PTPRC: variants seen among roughly 807,000 people sequenced by gnomAD.
PTPRC encodes the protein receptor-type tyrosine-protein phosphatase C.
PTPRC carries 44 observed loss-of-function variants against 155.9 expected under a neutral mutation model. The observed-to-expected ratio is 0.28, with a 90% CI of 0.22 to 0.36. PTPRC has a LOEUF of 0.36. PTPRC is among the 10% of genes least tolerant of loss of function. The pLI, the probability that PTPRC is intolerant of heterozygous loss-of-function variation, is 1.00. For missense variants in PTPRC, 1,401 were observed against 1,564.6 expected (o/e 0.90, Z 1.76); for synonymous variants, 525 against 533.1 (o/e 0.98, Z 0.21).
chr1:198,700,832 G>A (rs907071715), intron 5 of PTPRC, among the ~76,000 whole-genome samples: 1 of 152,158 alleles, frequency 6.6e-6, no homozygotes, highest in Non-Finnish European at 1.5e-5. Context: ...AACCACCACT[G>A]AGAGTACCTA....
intron 8 of PTPRC, among the ~76,000 whole-genome samples, chr1:198,704,817 A>G (rs973831440): frequency 6.6e-6 from 1 of 152,168 alleles, no homozygotes; most frequent in African/African-American, 2.4e-5. Flanking sequence ...CCTGCAATAT[A>G]CCTTTGTAAC....
At chr1:198,641,801 A>G (rs16843559) in intron 2 of PTPRC, among the ~76,000 whole-genome samples, 5,648 of 152,104 alleles carry the variant, frequency 0.037, 186 homozygotes, top group East Asian at 0.14. Flanking sequence ...GAGGTATATG[A>G]TGAGTTTTGT....
intron 8 of PTPRC, among the ~76,000 whole-genome samples, chr1:198,706,018 T>C (rs772974414): frequency 4.6e-5 from 7 of 152,366 alleles, no homozygotes; most frequent in Admixed American, 1.3e-4. Context: ...CACTGGATTA[T>C]ACATTTCTAA....
intron 28 of PTPRC, among the ~76,000 whole-genome samples, chr1:198,750,149 A>G (rs1021725473): frequency 6.6e-6 from 1 of 151,996 alleles, no homozygotes; most frequent in Non-Finnish European, 1.5e-5. Flanking sequence ...TAAAATTAGT[A>G]TAGACACGAT....
intron 14 of PTPRC, 22 bp downstream of exon 14, chr1:198,718,324 T>A: frequency 6.5e-7 from 1 of 1,540,926 alleles, no homozygotes; most frequent in Non-Finnish European, 9.0e-7. Flanking sequence ...CTCTCTACAT[T>A]ACTATAGTAC....
At chr1:198,709,846 A>C (rs1341650958) in intron 11 of PTPRC, 22 bp downstream of exon 11, 1 of 1,607,266 alleles carries the variant, frequency 6.2e-7, no homozygotes. Flanking sequence ...ACTTGCATTT[A>C]TATGTAAAAT....
intron 3 of PTPRC, chr1:198,695,165 T>G (rs572257217): frequency 1.4e-5 from 12 of 885,514 alleles, no homozygotes; most frequent in Non-Finnish European, 1.6e-5. Context: ...GCTGGGTTTT[T>G]TATTTATCAT....
At chr1:198,743,266 T>G (rs557025084) in intron 25 of PTPRC, among the ~76,000 whole-genome samples, 5 of 151,482 alleles carry the variant, frequency 3.3e-5, no homozygotes, top group Admixed American at 6.6e-5. Context: ...AAACAATGAG[T>G]GAGTAAAGCT....
chr1:198,674,448 C>G (rs897785650), intron 2 of PTPRC, among the ~76,000 whole-genome samples: 4 of 150,710 alleles, frequency 2.7e-5, no homozygotes, highest in African/African-American at 9.7e-5. Context: ...ATAACATTGC[C>G]TTTTTAGTAA....
intron 29 of PTPRC, 93 bp downstream of exon 29, chr1:198,750,719 CT>C (rs1388918431): frequency 5.9e-5 from 86 of 1,465,950 alleles, no homozygotes; most frequent in Non-Finnish European, 7.3e-5. Context: ...ATACCCACGT[CT>C]TTTTTTATCC....
At chr1:198,702,885 A>G (rs1666531955) in intron 6 of PTPRC, among the ~76,000 whole-genome samples, 1 of 152,236 alleles carries the variant, frequency 6.6e-6, no homozygotes, top group African/African-American at 2.4e-5. Flanking sequence ...AAATGGACAT[A>G]ATAACACTCC....
At chr1:198,686,810 A>ATTG (rs1380218577) in intron 2 of PTPRC, among the ~76,000 whole-genome samples, 1 of 152,212 alleles carries the variant, frequency 6.6e-6, no homozygotes, top group Admixed American at 6.5e-5. Flanking sequence ...CTAAGAATAT[A>ATTG]TTGTTGCTTT....
intron 11 of PTPRC, among the ~76,000 whole-genome samples, chr1:198,712,451 G>C (rs1373708148): frequency 3.3e-5 from 5 of 152,132 alleles, no homozygotes; most frequent in Non-Finnish European, 7.4e-5. Flanking sequence ...TGTTAAAAAT[G>C]CATTAAACTG....
intron 10 of PTPRC, 102 bp from the exon 11 acceptor site, chr1:198,709,585 T>G: frequency 9.8e-7 from 1 of 1,024,380 alleles, no homozygotes; most frequent in Non-Finnish European, 1.3e-6. Context: ...TGTTTCAATC[T>G]GATAAATATT....
chr1:198,733,578 A>G (rs1440897425), intron 20 of PTPRC, among the ~76,000 whole-genome samples: 7 of 151,826 alleles, frequency 4.6e-5, no homozygotes, highest in Admixed American at 1.3e-4. Context: ...GGAGTCTGAG[A>G]TAATTCTGGA....
At chr1:198,714,371 T>A (rs12133866) in intron 12 of PTPRC, among the ~76,000 whole-genome samples, 1,689 of 152,232 alleles carry the variant, frequency 0.011, 19 homozygotes, top group Non-Finnish European at 0.013. Context: ...TGTATTTGCA[T>A]AATTAGGGTA....
chr1:198,720,980 A>G (rs945553886), intron 14 of PTPRC, among the ~76,000 whole-genome samples: 16 of 152,158 alleles, frequency 1.1e-4, no homozygotes, highest in African/African-American at 3.9e-4. Context: ...CCCACTTCCT[A>G]GAATATGCCT....
rs1655036478 is a variant in PTPRC at position 198,744,154 on chromosome 1, A to G, written c.2798A>G (p.Lys933Arg). 5.6e-6 allele frequency: 9 copies of G among 1,607,000 alleles called. No homozygotes were observed. The highest frequency in any genetic ancestry group is 7.7e-6 in the Non-Finnish European group (9 of 1,174,560). The change falls in exon 26 of 33, where the codon AAG (lysine) becomes AGG (arginine). Residue 933 changes from lysine (K) to arginine (R), a missense_variant. This residue lies in a region of PTPRC where 134 missense variants were observed against 204.7 expected (regional missense o/e 0.65). Transcript: ENST00000442510. ...SELHPYLHNM[K>R]KRDPPSEPSP... The stretch of plus-strand genomic sequence containing the variant: ...TTACATCCATATCTACATAACATGA[A>G]GAAAAGGGATCCACCCAGTGAGCCG...
intron 31 of PTPRC, 114 bp from the exon 32 acceptor site, chr1:198,754,155 T>C: frequency 7.8e-7 from 1 of 1,284,652 alleles, no homozygotes; most frequent in Non-Finnish European, 1.1e-6. Flanking sequence ...TGGAATAAGA[T>C]AATTATGATA....
Sources: allele counts gnomAD v4.1 joint callset (sites outside exome capture counted in the v4.1 genomes callset), GRCh38; gene constraint gnomAD v4.1.1; regional missense constraint gnomAD v4.1.1; transcripts MANE v1.5; gene names NCBI Gene and HGNC (gene_info 2026-07-23, HGNC 2026-07-21).